Variants in EPHA5 observed in about 807,000 individuals in gnomAD.
The protein encoded by EPHA5 is EPH receptor A5, also known as ephrin type-A receptor 5.
EPHA5 carries 60 observed loss-of-function variants against 105.0 expected under a neutral mutation model. The observed-to-expected ratio is 0.57, with a 90% confidence interval of 0.46 to 0.71. EPHA5 has a LOEUF of 0.71. Among genes scored for constraint, EPHA5 ranks in the 30% least tolerant of loss-of-function variants. EPHA5 has a pLI of 0.00. For missense variants in EPHA5, 1,218 were observed against 1,274.7 expected (o/e 0.96, Z 0.68); for synonymous variants, 513 against 449.1 (o/e 1.14, Z -1.80).
intron 3 of EPHA5, among the ~76,000 whole-genome samples, chr4:65,521,366 G>A (rs1734697469): frequency 6.6e-6 from 1 of 152,012 alleles, no homozygotes; most frequent in Non-Finnish European, 1.5e-5. Context: ...ACACACCAGA[G>A]CCTGTCTTGA....
At chr4:65,535,351 CA>C (rs1410315026) in intron 3 of EPHA5, among the ~76,000 whole-genome samples, 13 of 152,014 alleles carry the variant, frequency 8.6e-5, no homozygotes, top group Non-Finnish European at 8.8e-5. Flanking sequence ...AAGAATGAAG[CA>C]GCAAAGTGAA....
chr4:65,345,924 C>T (rs1722177097), intron 14 of EPHA5, among the ~76,000 whole-genome samples: 1 of 152,052 alleles, frequency 6.6e-6, no homozygotes, highest in African/African-American at 2.4e-5. Context: ...AGGCGCCCGC[C>T]ACCACGCCCG....
intron 5 of EPHA5, among the ~76,000 whole-genome samples, chr4:65,426,084 G>A (rs1468568610): frequency 2.0e-5 from 3 of 152,058 alleles, no homozygotes; most frequent in Non-Finnish European, 4.4e-5. Flanking sequence ...TCTAAGAACA[G>A]CCAGTGTGTT....
At chr4:65,398,175 C>T (rs970160846) in intron 8 of EPHA5, among the ~76,000 whole-genome samples, 1 of 152,194 alleles carries the variant, frequency 6.6e-6, no homozygotes, top group Non-Finnish European at 1.5e-5. Context: ...GGCCTGTTAC[C>T]ACTGCCTGGC....
intron 2 of EPHA5, among the ~76,000 whole-genome samples, chr4:65,612,045 G>GAAAAA (rs1744827443): frequency 9.6e-6 from 1 of 104,260 alleles, no homozygotes; most frequent in Non-Finnish European, 1.9e-5. Context: ...AAAAAGGAAA[G>GAAAAA]AAAAGAAAAG....
At chr4:65,330,090 G>A (rs1256429039) in intron 16 of EPHA5, among the ~76,000 whole-genome samples, 1 of 151,348 alleles carries the variant, frequency 6.6e-6, no homozygotes, top group East Asian at 2.0e-4. Context: ...TGACCCCCAG[G>A]AATTTGGAGC....
intron 14 of EPHA5, among the ~76,000 whole-genome samples, chr4:65,345,402 A>G (rs1722116883): frequency 6.6e-6 from 1 of 152,224 alleles, no homozygotes; most frequent in Non-Finnish European, 1.5e-5. Context: ...GGGAAAGCTG[A>G]TGTGTGACCC....
Position 65,454,594 on chromosome 4 carries a change from A to T in EPHA5, c.1403-34029T>A, listed in dbSNP as rs568379357. Among the ~76,000 whole-genome samples the T allele has an allele frequency of 5.6e-4, 86 of 152,320 alleles. 1 individual carries two copies. Among genetic ancestry groups the T allele is most frequent in the African/African-American group, 1.8e-3 (74 of 41,576 alleles). On this transcript the variant is annotated intron_variant, in intron 5 of 16. Coordinates refer to ENST00000613740, the MANE Select transcript of EPHA5 (RefSeq NM_001281766.3). The stretch of plus-strand genomic sequence containing the variant: ...AGTCTATCAGATAATGTAACTGCTC[A>T]AAATTGCATCCTGACACTTAGAGTT...
chr4:65,616,639 G>C (rs1385407701), intron 2 of EPHA5, among the ~76,000 whole-genome samples: 1 of 151,958 alleles, frequency 6.6e-6, no homozygotes, highest in South Asian at 2.1e-4. Flanking sequence ...ATAAGATAAA[G>C]AGTATGGGAA....
chr4:65,365,869 T>C, intron 10 of EPHA5, 63 bp downstream of exon 10: 6 of 1,519,202 alleles, frequency 3.9e-6, no homozygotes, highest in South Asian at 2.4e-5. Flanking sequence ...ATCAGGACAC[T>C]GGTATATTAC....
chr4:65,611,767 A>ATTTCCAT (rs1744779972), intron 2 of EPHA5, among the ~76,000 whole-genome samples: 1 of 146,098 alleles, frequency 6.8e-6, no homozygotes, highest in African/African-American at 2.5e-5. Context: ...TTCAACACAA[A>ATTTCCAT]TTTCCATCGC....
rs1723817382 is a variant in EPHA5, at chr4:65,420,304, A to C, written c.1527+137T>G. On this transcript the variant is annotated intron_variant, in intron 6 of 16. Transcript: ENST00000613740. ...AGCTCCCTGTACACTTCTAGCCTCCATAATTATGACTGCAGAATCAATTGT... is the reference window on the plus strand; with the variant it reads ...AGCTCCCTGTACACTTCTAGCCTCCCTAATTATGACTGCAGAATCAATTGT... 4 of 869,408 alleles carry C rather than the reference A, an allele frequency of 4.6e-6. No individual in the cohort carries two copies. The South Asian group carries it at 7.2e-5, about 16-fold the overall frequency. 53.9% of individuals were successfully genotyped at this position (869,408 alleles called of 1,614,324 possible).
chr4:65,499,341 AATTCTTTTAAG>A (rs1732258488), intron 3 of EPHA5, among the ~76,000 whole-genome samples: 1 of 151,692 alleles, frequency 6.6e-6, no homozygotes, highest in African/African-American at 2.4e-5. Flanking sequence ...AAGTAGCTAC[AATTCTTTTAAG>A]ATGCTCAAAA....
rs80243001 is a variant in EPHA5 at position 65,597,372 on chromosome 4, T to C, written c.910+4269A>G. On this transcript the variant is annotated intron_variant, in intron 3 of 16. Transcript: ENST00000613740. ...AACTCAGCAGGCAACATTTGATTCA[T>C]GTGAACTCAATTACTTCTGTCAAAA... is the stretch of plus-strand genomic sequence containing the variant. Among the ~76,000 whole-genome samples, 312 of 152,234 alleles carry C rather than the reference T, an allele frequency of 2.0e-3. 9 individuals are homozygous for C. The East Asian group carries it at 0.052, about 25-fold the overall frequency.
intron 3 of EPHA5, among the ~76,000 whole-genome samples, chr4:65,512,079 A>G (rs1256581430): frequency 2.0e-5 from 3 of 152,172 alleles, no homozygotes; most frequent in African/African-American, 7.2e-5. Context: ...TTTTAAGAGA[A>G]TAAGTGAGAG....
intron 3 of EPHA5, among the ~76,000 whole-genome samples, chr4:65,576,000 G>GAAAGAAAGAAAGAAAGAAAGAA (rs565281266): frequency 1.3e-4 from 4 of 29,732 alleles, no homozygotes; most frequent in Non-Finnish European, 2.6e-4. Context: ...GAGAGAGAGA[G>GAAAGAAAGAAAGAAAGAAAGAA]AGAAAGAAAG....
chr4:65,655,216 G>A (rs559908561), intron 1 of EPHA5, among the ~76,000 whole-genome samples: 1 of 151,872 alleles, frequency 6.6e-6, no homozygotes, highest in Non-Finnish European at 1.5e-5. Flanking sequence ...CATATGTTAA[G>A]TGATATATAC....
intron 8 of EPHA5, among the ~76,000 whole-genome samples, chr4:65,387,634 A>C (rs1280729088): frequency 1.3e-5 from 2 of 151,940 alleles, no homozygotes; most frequent in Non-Finnish European, 2.9e-5. Context: ...TAAATCCAAA[A>C]GACTACAGTA....
chr4:65,462,373 C>T (rs1171786136), intron 5 of EPHA5, among the ~76,000 whole-genome samples: 1 of 152,088 alleles, frequency 6.6e-6, no homozygotes, highest in Non-Finnish European at 1.5e-5. Context: ...TATTTATTTA[C>T]CAACTGCTGT....
Sources: allele counts gnomAD v4.1 joint callset (sites outside exome capture counted in the v4.1 genomes callset), GRCh38; gene constraint gnomAD v4.1.1; transcripts MANE v1.5; gene names NCBI Gene and HGNC (gene_info 2026-07-23, HGNC 2026-07-21).